Variants in DMC1 observed in about 807,000 individuals in gnomAD.
The protein encoded by DMC1 is DNA meiotic recombinase 1, also known as meiotic recombination protein DMC1 homolog.
DMC1 carries 27 observed loss-of-function variants against 50.1 expected under a neutral mutation model. The observed-to-expected ratio is 0.54, with a 90% CI of 0.40 to 0.74. DMC1 has a LOEUF of 0.74. Among genes scored for constraint, DMC1 ranks in the 30% least tolerant of loss-of-function variants. The pLI is 0.00. For missense variants in DMC1, 295 were observed against 420.2 expected (o/e 0.70, Z 2.60); for synonymous variants, 148 against 136.1 (o/e 1.09, Z -0.61).
At chr22:38,569,247 T>G (rs2090613200) in intron 1 of DMC1, 1 of 152,134 alleles carries the variant, frequency 6.6e-6, no homozygotes, top group African/African-American at 2.4e-5. Context: ...AGTTAAAGTT[T>G]TTAACATTGT....
intron 12 of DMC1, among the ~76,000 whole-genome samples, chr22:38,528,079 T>G (rs2090113042): frequency 6.6e-6 from 1 of 150,928 alleles, no homozygotes; most frequent in Non-Finnish European, 1.5e-5. Context: ...TTTTTTTTTT[T>G]GAGACAGAAT....
In DMC1 at chr22:38,518,976, T is replaced by C. The variant is rs1446693062; in HGVS notation, c.*1044A>G. The C allele has an allele frequency of 6.6e-6, 1 of 152,608 alleles. No individual in the cohort carries two copies. The highest frequency in any genetic ancestry group is 2.4e-5 in the African/African-American group (1 of 41,442). The allele number at this position is 152,608 out of a possible 1,614,324, so 9.5% of individuals were successfully genotyped here. Reference sequence around the variant, plus strand: ...ATTTTGAAAACAGGATTTTATTTGTTTAACAATCAAAATAATATCTTTTAC... The same window carrying C: ...ATTTTGAAAACAGGATTTTATTTGTCTAACAATCAAAATAATATCTTTTAC... On this transcript the variant is annotated 3_prime_UTR_variant, in exon 14 of 14. Coordinates refer to ENST00000216024, the MANE Select transcript of DMC1 (RefSeq NM_007068.4).
chr22:38,556,382 T>C (rs1049090678), intron 5 of DMC1, among the ~76,000 whole-genome samples: 8 of 152,120 alleles, frequency 5.3e-5, no homozygotes, highest in African/African-American at 9.7e-5. Context: ...ACATGAGCCA[T>C]CATGCCCGGC....
rs374363501 is a variant in DMC1, at chr22:38,526,273, C to T, written c.837-4549G>A. On this transcript the variant is annotated intron_variant, in intron 12 of 13. Coordinates refer to ENST00000216024, the MANE Select transcript of DMC1 (RefSeq NM_007068.4). ...AGGCTGGAGTGCAATGCCGTGATCG[C>T]GGCTCATTGCAATCTCCACCTCCCG... Among the ~76,000 whole-genome samples the T allele has an allele frequency of 5.9e-5, 9 of 151,884 alleles. No homozygotes were observed. In the South Asian group the frequency reaches 6.2e-4, roughly 11 times the overall value.
chr22:38,553,764 G>A (rs1377390705), intron 6 of DMC1, among the ~76,000 whole-genome samples: 1 of 151,506 alleles, frequency 6.6e-6, no homozygotes, highest in Non-Finnish European at 1.5e-5. Context: ...TTCGAGACCA[G>A]CCTGGGCAAC....
At chr22:38,565,602 C>T (rs1408511948) in intron 4 of DMC1, among the ~76,000 whole-genome samples, 1 of 152,234 alleles carries the variant, frequency 6.6e-6, no homozygotes, top group East Asian at 1.9e-4. Context: ...GGAGCAGTAC[C>T]TCTGCTGCAC....
the DMC1 span, among the ~76,000 whole-genome samples, chr22:38,512,918 T>C: frequency 6.6e-6 from 1 of 152,220 alleles, no homozygotes; most frequent in South Asian, 2.1e-4. Flanking sequence ...ACCCCATCTC[T>C]ATTAAAAATA....
At chr22:38,568,459 G>A in intron 1 of DMC1, 170 bp from the exon 2 acceptor site, 1 of 606,036 alleles carries the variant, frequency 1.7e-6, no homozygotes, top group Non-Finnish European at 2.9e-6. Flanking sequence ...TCTTGTGTGT[G>A]TGTGTGTGTG....
intron 5 of DMC1, among the ~76,000 whole-genome samples, chr22:38,561,400 T>C (rs2090526341): frequency 6.6e-6 from 1 of 152,122 alleles, no homozygotes; most frequent in Admixed American, 6.6e-5. Context: ...TTGAGGAAAC[T>C]GGGAGGTTTG....
chr22:38,555,806 T>A (rs1444599123), intron 5 of DMC1, among the ~76,000 whole-genome samples: 1 of 151,744 alleles, frequency 6.6e-6, no homozygotes, highest in Non-Finnish European at 1.5e-5. Flanking sequence ...TGAATTGGAG[T>A]TACAGATCGT....
chr22:38,551,292 T>TAA (rs10650131), intron 7 of DMC1, among the ~76,000 whole-genome samples: 13,281 of 152,112 alleles, frequency 0.087, 1,396 homozygotes, highest in African/African-American at 0.25. Flanking sequence ...ATAACTAATA[T>TAA]GTTACCTTTA....
chr22:38,521,136 C>G (rs1445264693), intron 13 of DMC1, among the ~76,000 whole-genome samples: 2 of 152,064 alleles, frequency 1.3e-5, no homozygotes, highest in African/African-American at 4.8e-5. Context: ...GAAAGGTTCC[C>G]TGAGAAAGTG....
the DMC1 span, among the ~76,000 whole-genome samples, chr22:38,513,447 C>T: frequency 6.6e-6 from 1 of 152,210 alleles, no homozygotes. Flanking sequence ...AACATTTGCC[C>T]TAACAAGCCA....
In DMC1 at chr22:38,520,031, C is replaced by T. The variant is rs777961492; in HGVS notation, c.1012G>A (p.Ala338Thr). 6.2e-7 allele frequency: 1 copy of T among 1,613,622 alleles called. No individual in the cohort carries two copies. The highest frequency in any genetic ancestry group is 8.5e-7 in the Non-Finnish European group (1 of 1,179,654). ...CATCAATTCACCACCTACTCCTTGG[C>T]ATCCCCAATTCCTCCAGCAGTTATT... Reference protein sequence around the residue: ...FAITAGGIGDAKE With the variant: ...FAITAGGIGDTKE Residue 338 changes from alanine (A) to threonine (T), a missense_variant, in exon 14 of 14, where the codon GCC (alanine) becomes ACC (threonine). Coordinates refer to ENST00000216024, the MANE Select transcript of DMC1 (RefSeq NM_007068.4).
rs577108186 is a variant in DMC1, at chr22:38,551,761, G to T, written c.421+905C>A. The stretch of plus-strand genomic sequence containing the variant: ...CATTATTTCAATTTTATTGGTGGGG[G>T]AAATTAGAGAAGTAGAGCAACTTGC... On this transcript the variant is annotated intron_variant, in intron 7 of 13. Coordinates refer to ENST00000216024, the MANE Select transcript of DMC1 (RefSeq NM_007068.4). Among the ~76,000 whole-genome samples the T allele has an allele frequency of 7.9e-5, 12 of 151,850 alleles. 1 individual carries two copies. Among genetic ancestry groups the T allele is most frequent in the Admixed American group, 7.9e-4 (12 of 15,220 alleles).
intron 1 of DMC1, among the ~76,000 whole-genome samples, chr22:38,569,013 C>T (rs1234703890): frequency 6.6e-6 from 1 of 151,840 alleles, no homozygotes; most frequent in Non-Finnish European, 1.5e-5. Context: ...CAATCCCCGT[C>T]TCTACTAAAA....
chr22:38,550,317 CTT>C (rs11458767), intron 7 of DMC1, among the ~76,000 whole-genome samples: 2 of 133,940 alleles, frequency 1.5e-5, no homozygotes, highest in Non-Finnish European at 1.6e-5. Flanking sequence ...CTTTTCTTTT[CTT>C]TTTTTTTTTT....
chr22:38,568,359 C>A, intron 1 of DMC1, 70 bp from the exon 2 acceptor site: 1 of 1,150,468 alleles, frequency 8.7e-7, no homozygotes. Flanking sequence ...ATTTCAAAGT[C>A]AACAAGGACT....
At chr22:38,521,507 C>CAG in intron 13 of DMC1, 101 bp downstream of exon 13, 1 of 795,908 alleles carries the variant, frequency 1.3e-6, no homozygotes, top group Non-Finnish European at 2.0e-6. Flanking sequence ...AGTTTGAGAC[C>CAG]AGCTCGGGCA....
Sources: gnomAD v4.1 joint callset for allele counts (sites outside exome capture counted in the v4.1 genomes callset) on GRCh38, gnomAD v4.1.1 for gene constraint, MANE v1.5 for transcripts, NCBI Gene and HGNC (gene_info 2026-07-23, HGNC 2026-07-21) for gene names.